Variants in KCNQ3 observed in about 807,000 individuals in gnomAD.
KCNQ3 encodes potassium voltage-gated channel subfamily KQT member 3.
A neutral mutation model predicts 92.5 loss-of-function variants in KCNQ3; 30 were observed. That is an observed-to-expected ratio of 0.32 (90% CI 0.24 to 0.44). KCNQ3 has a LOEUF of 0.44. Among genes scored for constraint, KCNQ3 ranks in the 20% least tolerant of loss-of-function variants. KCNQ3 has a pLI of 1.00. For synonymous variants in KCNQ3, 450 were observed against 468.8 expected (o/e 0.96, Z 0.52); for missense variants, 913 against 1,140.3 (o/e 0.80, Z 2.87).
chr8:132,220,777 AAAAAAT>A (rs1400165511), intron 1 of KCNQ3, among the ~76,000 whole-genome samples: 5 of 151,596 alleles, frequency 3.3e-5, no homozygotes, highest in Admixed American at 6.6e-5. Context: ...ATAAAAAATT[AAAAAAT>A]AAAAATAAAA....
At chr8:132,294,143 G>A (rs975341462) in intron 1 of KCNQ3, among the ~76,000 whole-genome samples, 7 of 151,890 alleles carry the variant, frequency 4.6e-5, no homozygotes, top group African/African-American at 9.7e-5. Flanking sequence ...TGGGACCACA[G>A]GTGCCCACAA....
intron 1 of KCNQ3, among the ~76,000 whole-genome samples, chr8:132,249,746 C>A (rs922031912): frequency 1.3e-5 from 2 of 152,154 alleles, no homozygotes; most frequent in Admixed American, 6.5e-5. Context: ...GTGCAGGAGC[C>A]CACGGCTAGG....
chr8:132,360,840 G>A (rs1424869029), intron 1 of KCNQ3, among the ~76,000 whole-genome samples: 1 of 152,194 alleles, frequency 6.6e-6, no homozygotes, highest in Non-Finnish European at 1.5e-5. Flanking sequence ...TCTTTTGGAT[G>A]CTTGGGGTCC....
intron 1 of KCNQ3, among the ~76,000 whole-genome samples, chr8:132,212,059 C>G (rs1234203050): frequency 6.6e-6 from 1 of 152,110 alleles, no homozygotes; most frequent in East Asian, 1.9e-4. Flanking sequence ...ACCCTGACCC[C>G]CTGGGCTTAG....
intron 1 of KCNQ3, among the ~76,000 whole-genome samples, chr8:132,255,332 AC>A (rs891497911): frequency 3.3e-5 from 5 of 152,244 alleles, no homozygotes; most frequent in Non-Finnish European, 7.3e-5. Context: ...AAGAGGGCAG[AC>A]TTTTCCCTCA....
chr8:132,350,884 G>GA (rs1818839144), intron 1 of KCNQ3, among the ~76,000 whole-genome samples: 2 of 152,264 alleles, frequency 1.3e-5, no homozygotes, highest in South Asian at 4.1e-4. Flanking sequence ...GAAAACTCAA[G>GA]AGAGAGGAAT....
chr8:132,302,417 C>T (rs945724138), intron 1 of KCNQ3, among the ~76,000 whole-genome samples: 4 of 152,184 alleles, frequency 2.6e-5, no homozygotes, highest in African/African-American at 7.2e-5. Flanking sequence ...TTCTTGTTGG[C>T]CACAACTCTC....
chr8:132,304,198 C>T (rs977838846), intron 1 of KCNQ3, among the ~76,000 whole-genome samples: 6 of 152,058 alleles, frequency 3.9e-5, no homozygotes, highest in Admixed American at 1.3e-4. Context: ...CTATTGGGTA[C>T]GATGTACACT....
intron 1 of KCNQ3, among the ~76,000 whole-genome samples, chr8:132,333,315 CAA>C (rs1294429598): frequency 6.6e-6 from 1 of 152,064 alleles, no homozygotes; most frequent in African/African-American, 2.4e-5. Context: ...GAAGAGAAAA[CAA>C]GAGAGAAAAT....
intron 8 of KCNQ3, among the ~76,000 whole-genome samples, chr8:132,167,117 G>A (rs972991833): frequency 2.0e-5 from 3 of 152,122 alleles, no homozygotes; most frequent in Non-Finnish European, 4.4e-5. Flanking sequence ...TCTGATAGGC[G>A]CTACAACACA....
rs1055327554 is a variant in KCNQ3, at chr8:132,129,795, G to A, written c.2086C>T (p.Pro696Ser). 1.2e-6 allele frequency: 2 copies of A among 1,614,200 alleles called. No homozygotes were observed. Among genetic ancestry groups the A allele is most frequent in the Non-Finnish European group, 1.7e-6 (2 of 1,180,040 alleles). Residue 696 changes from proline (P) to serine (S), a missense_variant, in exon 15 of 15, where the codon CCC (proline) becomes TCC (serine). Physicochemically the swap from Pro to Ser is moderately conservative, Grantham distance 74. This residue lies in a region of KCNQ3 where 375 missense variants were observed against 376.4 expected (regional missense o/e 1.00). Coordinates refer to ENST00000388996, the MANE Select transcript of KCNQ3 (RefSeq NM_004519.4). This position sits in a 1 kb window ranked among gnomAD's most constrained non-coding sequence, Gnocchi z 5.9. ...NYSETGPPEP[P>S]YSFHQVTIDK... ...ATGGTCACCTGGTGGAAGCTGTAGG[G>A]TGGTTCCGGGGGGCCTGTCTCAGAA... is the stretch of plus-strand genomic sequence containing the variant.
intron 1 of KCNQ3, among the ~76,000 whole-genome samples, chr8:132,371,226 G>A (rs745425701): frequency 3.3e-5 from 5 of 152,208 alleles, no homozygotes; most frequent in Non-Finnish European, 7.3e-5. Flanking sequence ...ATCTCCCTCA[G>A]TGGGACATGG....
At chr8:132,180,051 G>T in intron 4 of KCNQ3, 106 bp downstream of exon 4, 2 of 1,213,046 alleles carry the variant, frequency 1.6e-6, no homozygotes, top group Non-Finnish European at 2.4e-6. Flanking sequence ...CATCAAGGGT[G>T]GCAGAATGAC....
At chr8:132,283,902 T>C (rs1417210526) in intron 1 of KCNQ3, among the ~76,000 whole-genome samples, 14 of 152,246 alleles carry the variant, frequency 9.2e-5, no homozygotes. Context: ...TTTTTATTTC[T>C]ATTCATTCAA....
chr8:132,434,232 A>G (rs920817291), intron 1 of KCNQ3, among the ~76,000 whole-genome samples: 11 of 151,194 alleles, frequency 7.3e-5, no homozygotes, highest in African/African-American at 2.7e-4. Context: ...AAAAAATAAT[A>G]ATAATAATAA....
chr8:132,231,115 C>A (rs1346534076), intron 1 of KCNQ3, among the ~76,000 whole-genome samples: 2 of 152,230 alleles, frequency 1.3e-5, no homozygotes, highest in East Asian at 3.9e-4. Context: ...CCAAGCAATG[C>A]CGAGGATTGC....
At chr8:132,456,598 TTTTTA>T (rs914533779) in intron 1 of KCNQ3, among the ~76,000 whole-genome samples, 2 of 148,438 alleles carry the variant, frequency 1.3e-5, no homozygotes, top group South Asian at 4.2e-4. Context: ...TTCTATTTTT[TTTTTA>T]TTTTATTTAT....
intron 1 of KCNQ3, among the ~76,000 whole-genome samples, chr8:132,251,776 A>G (rs1024714623): frequency 6.6e-6 from 1 of 152,228 alleles, no homozygotes; most frequent in Non-Finnish European, 1.5e-5. Context: ...AATGCTTAAA[A>G]ACATAGTTAT....
chr8:132,350,287 G>A (rs529665317), intron 1 of KCNQ3, among the ~76,000 whole-genome samples: 1 of 152,256 alleles, frequency 6.6e-6, no homozygotes, highest in Admixed American at 6.5e-5. Flanking sequence ...TTCATGGTGG[G>A]GAGGGGCTAG....
Sources: allele counts gnomAD v4.1 joint callset (sites outside exome capture counted in the v4.1 genomes callset), GRCh38; gene constraint gnomAD v4.1.1; regional missense constraint gnomAD v4.1.1; non-coding constraint Gnocchi (gnomAD v3.1); transcripts MANE v1.5; gene names NCBI Gene and HGNC (gene_info 2026-07-23, HGNC 2026-07-21).